DYRK4: variants seen among roughly 807,000 people sequenced by gnomAD.
The protein encoded by DYRK4 is dual specificity tyrosine-phosphorylation-regulated kinase 4.
DYRK4 carries 64 observed loss-of-function variants against 68.3 expected under a neutral mutation model. The observed-to-expected ratio is 0.94, with a 90% confidence interval of 0.77 to 1.15. The LOEUF (loss-of-function observed/expected upper bound fraction) is 1.15. DYRK4 is among the 50% of genes most tolerant of loss of function. The pLI, the probability that DYRK4 is intolerant of heterozygous loss-of-function variation, is 0.00. For synonymous variants in DYRK4, 274 were observed against 289.9 expected, an observed-to-expected ratio of 0.95 and a Z score of 0.56; for missense variants, 740 against 764.7, an observed-to-expected ratio of 0.97 and a Z score of 0.38.
rs562026104 is a variant in DYRK4, at chr12:4,575,298, A to ATTTTGTGTGTGTGT, written c.132+7250_132+7251insTTTTGTGTGTGTGT. 2.8e-4 allele frequency among the ~76,000 whole-genome samples: 40 copies of ATTTTGTGTGTGTGT among 144,186 alleles called. 1 individual carries two copies. Among genetic ancestry groups the ATTTTGTGTGTGTGT allele is most frequent in the Admixed American group, 2.5e-3 (36 of 14,626 alleles). The allele number at this position is 144,186 out of a possible 152,430, so 94.6% of individuals were successfully genotyped here. Reference sequence around the variant, plus strand: ...CTTGCCAATTTACTAACAATAACTTACTGTGTGTGTGTGTGTGTGTGTGTT... The same window carrying ATTTTGTGTGTGTGT: ...CTTGCCAATTTACTAACAATAACTTATTTTGTGTGTGTGTCTGTGTGTGTGTGTGTGTGTGTGTT... On this transcript the variant is annotated intron_variant, in intron 2 of 14. Coordinates refer to ENST00000543431, the MANE Select transcript of DYRK4 (RefSeq NM_001394779.1).
rs35018398 is a variant in DYRK4 at position 4,584,552 on chromosome 12, C to CTTTTTT, written c.133-4369_133-4364dup. Among the ~76,000 whole-genome samples the CTTTTTT allele has an allele frequency of 5.9e-4, 61 of 103,852 alleles. 1 individual carries two copies. The highest frequency in any genetic ancestry group is 2.0e-3 in the African/African-American group (55 of 27,942). The allele number at this position is 103,852 out of a possible 152,430, so 68.1% of individuals were successfully genotyped here. Reference sequence around the variant, plus strand: ...TTTCCCCCTTCCTTTTCTAATCAGCCTTTTTTTTTTTTTTTTTTTTTGAGG... The same window carrying CTTTTTT: ...TTTCCCCCTTCCTTTTCTAATCAGCCTTTTTTTTTTTTTTTTTTTTTTTTTTTGAGG... On this transcript the variant is annotated intron_variant, in intron 2 of 14. Coordinates refer to ENST00000543431, the MANE Select transcript of DYRK4 (RefSeq NM_001394779.1).
At chr12:4,568,232 G>A (rs902415743) in intron 2 of DYRK4, among the ~76,000 whole-genome samples, 184 bp downstream of exon 2, 1 of 152,178 alleles carries the variant, frequency 6.6e-6, no homozygotes, top group Non-Finnish European at 1.5e-5. Flanking sequence ...ATCAGCAGAA[G>A]GGCAAGGCCT....
At position 4,602,717 on chromosome 12, in the gene DYRK4, T is replaced by C. The variant is rs959212824; in HGVS notation, c.1127-2197T>C. The C allele has an allele frequency of 2.7e-6, 4 of 1,489,166 alleles. No individual in the cohort carries two copies. In the African/African-American group the frequency reaches 4.2e-5, roughly 15 times the overall value. 92.2% of individuals were successfully genotyped at this position (1,489,166 alleles called of 1,614,324 possible). A position where few individuals can be genotyped will look rare whatever the true frequency, so the allele number is the denominator to read the frequency against. ...TTAATGGGAGGCAAATACCCCTGAC[T>C]CTTCAATGTCTTGTAAATTCAGAAG... On this transcript the variant is annotated intron_variant, in intron 10 of 14. Coordinates refer to ENST00000543431, the MANE Select transcript of DYRK4 (RefSeq NM_001394779.1).
rs1945235866 is a variant in DYRK4 at position 4,612,618 on chromosome 12, G to A, written c.1566G>A (p.Lys522=). ...GGATTCATCAGTCTCGGAACCTCAAGCCACAGCCCAGGCCCCAGACCCTGA... is the reference window on the plus strand; with the variant it reads ...GGATTCATCAGTCTCGGAACCTCAAACCACAGCCCAGGCCCCAGACCCTGA... ...HAWIHQSRNL[K]PQPRPQTLRK... The change falls in exon 14 of 15, where the codon AAG becomes AAA. Residue 522 remains lysine, a synonymous_variant. Transcript: ENST00000543431. 1 of 1,614,144 alleles carries A rather than the reference G, an allele frequency of 6.2e-7. No individual in the cohort carries two copies. Among genetic ancestry groups the A allele is most frequent in the Non-Finnish European group, 8.5e-7 (1 of 1,180,014 alleles).
At chr12:4,577,911 T>C (rs1944805013) in intron 2 of DYRK4, among the ~76,000 whole-genome samples, 1 of 152,238 alleles carries the variant, frequency 6.6e-6, no homozygotes, top group African/African-American at 2.4e-5. Flanking sequence ...GTATTGCACT[T>C]TTAATTTCAA....
intron 2 of DYRK4, 99 bp downstream of exon 2, chr12:4,568,147 G>A: frequency 1.8e-6 from 2 of 1,136,994 alleles, no homozygotes; most frequent in Non-Finnish European, 2.5e-6. Flanking sequence ...AGCACCTCTG[G>A]GTACAGCGCA....
chr12:4,586,273 A>G (rs1243024945), intron 2 of DYRK4, among the ~76,000 whole-genome samples: 1 of 152,148 alleles, frequency 6.6e-6, no homozygotes, highest in Admixed American at 6.5e-5. Context: ...GGCAGGGCCC[A>G]GGTCTTAGAC....
At chr12:4,565,695 C>T (rs761502171) in intron 1 of DYRK4, among the ~76,000 whole-genome samples, 9 of 151,944 alleles carry the variant, frequency 5.9e-5, no homozygotes, top group South Asian at 2.1e-4. Flanking sequence ...GTGCAATCTC[C>T]GCTCACTGCA....
intron 2 of DYRK4, among the ~76,000 whole-genome samples, chr12:4,575,245 T>A (rs1476307525): frequency 6.6e-6 from 1 of 151,516 alleles, no homozygotes; most frequent in Non-Finnish European, 1.5e-5. Flanking sequence ...ACATACTTTT[T>A]ATTACCTGAT....
intron 2 of DYRK4, among the ~76,000 whole-genome samples, chr12:4,574,342 A>G (rs551762679): frequency 1.5e-4 from 22 of 151,720 alleles, no homozygotes; most frequent in Middle Eastern, 3.4e-3. Flanking sequence ...TTTTACATCT[A>G]TTATTCCACT....
chr12:4,594,900 G>A (rs994546036), intron 6 of DYRK4, among the ~76,000 whole-genome samples: 14 of 152,098 alleles, frequency 9.2e-5, no homozygotes, highest in Admixed American at 2.6e-4. Context: ...GAATGCCTAT[G>A]TATTGATAAT....
In DYRK4 at chr12:4,573,176, T is replaced by G. The variant is rs186559202; in HGVS notation, c.132+5128T>G. 14 of 535,820 alleles carry G rather than the reference T, an allele frequency of 2.6e-5. No homozygotes were observed. In the Middle Eastern group the frequency reaches 2.2e-3, roughly 84 times the overall value. The allele number at this position is 535,820 out of a possible 1,614,324, so 33.2% of individuals were successfully genotyped here. On this transcript the variant is annotated intron_variant, in intron 2 of 14. Transcript: ENST00000543431. ...AGAACTTGTAATGATCATTGCAAGT[T>G]AACATTAAAACGTTTAAAATATAAT...
Position 4,596,158 on chromosome 12 carries a change from G to T in DYRK4, c.637G>T (p.Asp213Tyr). 1.9e-6 allele frequency: 3 copies of T among 1,614,176 alleles called. No homozygotes were observed. Among genetic ancestry groups the T allele is most frequent in the Middle Eastern group, 3.3e-4 (2 of 6,052 alleles). The change falls in exon 7 of 15, where the codon GAT (aspartate) becomes TAT (tyrosine). Residue 213 changes from aspartate to tyrosine, a missense_variant. Asp to Tyr is a radical substitution (Grantham distance 160). This residue lies in a region of DYRK4 where 614 missense variants were observed against 603.7 expected (regional missense o/e 1.02). Transcript: ENST00000543431. Reference sequence around the variant, plus strand: ...GGCCTGGCTTCCACAGGTCCTGCATGATCACATTGCCTACCGCTATGAAGT... The same window carrying T: ...GGCCTGGCTTCCACAGGTCCTGCATTATCACATTGCCTACCGCTATGAAGT... ...EHGFYLKVLH[D>Y]HIAYRYEVLE...
rs142860401 is a variant in DYRK4, at chr12:4,573,698, CA to C, written c.132+5651del. Among the ~76,000 whole-genome samples the C allele has an allele frequency of 8.0e-3, 1,213 of 152,210 alleles. 17 individuals carry two copies. The highest frequency in any genetic ancestry group is 0.027 in the African/African-American group (1,133 of 41,522). On this transcript the variant is annotated intron_variant, in intron 2 of 14. Transcript: ENST00000543431. ...TGAGGGGGTCATTACCTCCATTTTA[CA>C]GAGGAGGAAACTGAGATCCAAAGAG...
chr12:4,563,282 G>C, intron 1 of DYRK4: 1 of 391,148 alleles, frequency 2.6e-6, no homozygotes, highest in South Asian at 1.9e-5. Flanking sequence ...GGTCCTTATG[G>C]AGAAAGCAGA....
rs191744854 is a variant in DYRK4, at chr12:4,573,556, A to G, written c.132+5508A>G. On this transcript the variant is annotated intron_variant, in intron 2 of 14. Coordinates refer to ENST00000543431, the MANE Select transcript of DYRK4 (RefSeq NM_001394779.1). ...CTTCTATTGAAAGCTTCTTCAGGCC[A>G]TGACAAATAGAGTATCAGTTCGACG... Among the ~76,000 whole-genome samples, 7 of 152,354 alleles carry G rather than the reference A, an allele frequency of 4.6e-5. No individual in the cohort carries two copies. The East Asian group carries it at 7.7e-4, about 17-fold the overall frequency.
intron 10 of DYRK4, chr12:4,602,648 T>C: frequency 7.1e-7 from 1 of 1,398,992 alleles, no homozygotes; most frequent in Non-Finnish European, 1.0e-6. Flanking sequence ...TTGGAAGATC[T>C]GGGTAACACC....
intron 2 of DYRK4, among the ~76,000 whole-genome samples, chr12:4,574,628 C>A (rs1220537281): frequency 6.6e-6 from 1 of 152,194 alleles, no homozygotes; most frequent in Non-Finnish European, 1.5e-5. Flanking sequence ...ACTTAACTAC[C>A]ATGTTTCATT....
At chr12:4,605,148 G>A (rs1945128979) in intron 11 of DYRK4, 62 bp downstream of exon 11, 1 of 1,497,086 alleles carries the variant, frequency 6.7e-7, no homozygotes, top group Non-Finnish European at 9.2e-7. Flanking sequence ...CAGACACGGG[G>A]CTGCACCAGA....
Sources: allele counts gnomAD v4.1 joint callset (sites outside exome capture counted in the v4.1 genomes callset), GRCh38; gene constraint gnomAD v4.1.1; regional missense constraint gnomAD v4.1.1; transcripts MANE v1.5; gene names NCBI Gene and HGNC (gene_info 2026-07-23, HGNC 2026-07-21).